ENAH: variants seen among roughly 807,000 people sequenced by gnomAD.
The protein encoded by ENAH is ENAH actin regulator.
ENAH carries 23 observed loss-of-function variants against 78.7 expected under a neutral mutation model. The observed-to-expected ratio is 0.29, with a 90% CI of 0.21 to 0.41. ENAH has a LOEUF of 0.41. ENAH is among the 10% of genes least tolerant of loss of function. The pLI is 1.00. For synonymous variants in ENAH, 226 were observed against 241.0 expected, an observed-to-expected ratio of 0.94 and a Z score of 0.58; for missense variants, 544 against 691.0, an observed-to-expected ratio of 0.79 and a Z score of 2.39.
chr1:225,563,052 C>T (rs1381558676), intron 2 of ENAH, among the ~76,000 whole-genome samples: 3 of 151,486 alleles, frequency 2.0e-5, no homozygotes, highest in Non-Finnish European at 4.4e-5. Context: ...GATGGTGTTT[C>T]CTTAAGTATC....
rs1232028 is a variant in ENAH at position 225,650,849 on chromosome 1, A to T, written c.5+1837T>A. 3.0e-4 allele frequency among the ~76,000 whole-genome samples: 14 copies of T among 46,698 alleles called. No homozygotes were observed. In the East Asian group the frequency reaches 4.5e-3, roughly 15 times the overall value. The allele number at this position is 46,698 out of a possible 152,430, so 30.6% of individuals were successfully genotyped here. ...TGGGCAAGAGAGCAAGACTGCATTT[A>T]AAAAAAAAAAAAAAAAAAAAAAAAA... is the stretch of plus-strand genomic sequence containing the variant. On this transcript the variant is annotated intron_variant, in intron 1 of 13. Coordinates refer to ENST00000366843, the MANE Select transcript of ENAH (RefSeq NM_018212.6).
chr1:225,618,994 C>A (rs1175420745), intron 1 of ENAH, among the ~76,000 whole-genome samples: 1 of 152,118 alleles, frequency 6.6e-6, no homozygotes, highest in Admixed American at 6.6e-5. Flanking sequence ...TACCTTCTAT[C>A]CCCAAGATGC....
chr1:225,609,222 T>C (rs1349725093), intron 1 of ENAH, among the ~76,000 whole-genome samples: 1 of 152,158 alleles, frequency 6.6e-6, no homozygotes, highest in Non-Finnish European at 1.5e-5. Context: ...GATGTGTTTA[T>C]TATATTAAAA....
chr1:225,583,232 T>A (rs903472570), intron 1 of ENAH, among the ~76,000 whole-genome samples: 9 of 151,710 alleles, frequency 5.9e-5, no homozygotes, highest in Admixed American at 3.3e-4. Context: ...AGGTCAGAAG[T>A]TCAAGACTAG....
rs754699026 is a variant in ENAH at position 225,517,560 on chromosome 1, G to T, written c.803-254C>A. The T allele has an allele frequency of 3.9e-6, 6 of 1,551,488 alleles. No homozygotes were observed. In the South Asian group the frequency reaches 7.1e-5, roughly 18 times the overall value. On this transcript the variant is annotated intron_variant, in intron 5 of 13. Coordinates refer to ENST00000366843, the MANE Select transcript of ENAH (RefSeq NM_018212.6). ...CAGGAGAAGAAACACAAACAGGGAG[G>T]ACAGGCCTTGGACCAGTAGCTTTGC...
chr1:225,532,258 C>G (rs1269843186), intron 3 of ENAH, among the ~76,000 whole-genome samples: 4 of 152,056 alleles, frequency 2.6e-5, no homozygotes, highest in African/African-American at 7.2e-5. Context: ...GCGGGTAAAT[C>G]TGAGGTAGCA....
chr1:225,540,491 A>G (rs973149605), intron 3 of ENAH, among the ~76,000 whole-genome samples: 13 of 152,168 alleles, frequency 8.5e-5, no homozygotes, highest in African/African-American at 3.1e-4. Flanking sequence ...TGATAACTAC[A>G]GTAACATACT....
intron 1 of ENAH, among the ~76,000 whole-genome samples, chr1:225,576,113 G>GA (rs141594664): frequency 6.6e-6 from 1 of 151,702 alleles, no homozygotes; most frequent in South Asian, 2.1e-4. Flanking sequence ...CTACAGAAAT[G>GA]AAAAAACTTA....
rs1156824233 is a variant in ENAH, at chr1:225,492,672, G to A, written c.*5103C>T. ...TCTGCAAATACTCAAGGCCTACTAT[G>A]TGCTTTAAATGATACTAACACTTCC... On this transcript the variant is annotated 3_prime_UTR_variant, in exon 14 of 14. Coordinates refer to ENST00000366843, the MANE Select transcript of ENAH (RefSeq NM_018212.6). 6.6e-6 allele frequency: 1 copy of A among 152,180 alleles called. No individual in the cohort carries two copies. Among genetic ancestry groups the A allele is most frequent in the Admixed American group, 6.5e-5 (1 of 15,286 alleles). 9.4% of individuals were successfully genotyped at this position (152,180 alleles called of 1,614,324 possible).
intron 1 of ENAH, among the ~76,000 whole-genome samples, chr1:225,589,909 A>G (rs2096867086): frequency 1.3e-5 from 2 of 152,206 alleles, no homozygotes. Flanking sequence ...TAATAAAAGA[A>G]CTAATTATGC....
intron 3 of ENAH, among the ~76,000 whole-genome samples, chr1:225,546,613 G>C (rs1229904438): frequency 6.6e-6 from 1 of 152,106 alleles, no homozygotes; most frequent in East Asian, 1.9e-4. Context: ...TCACAGCCCT[G>C]GTTGAGAAAG....
intron 7 of ENAH, among the ~76,000 whole-genome samples, chr1:225,514,155 A>G (rs1478067205): frequency 6.6e-6 from 1 of 152,056 alleles, no homozygotes; most frequent in East Asian, 1.9e-4. Context: ...AAATTATGTC[A>G]ATTTTTAATT....
At chr1:225,612,281 G>A (rs968904594) in intron 1 of ENAH, among the ~76,000 whole-genome samples, 7 of 152,190 alleles carry the variant, frequency 4.6e-5, no homozygotes, top group Admixed American at 1.3e-4. Context: ...GCTATGACAC[G>A]GATGAACCCT....
At chr1:225,515,170 G>A in intron 6 of ENAH, 1 of 402,866 alleles carries the variant, frequency 2.5e-6, no homozygotes, top group Non-Finnish European at 4.3e-6. Flanking sequence ...TTTTTTTCAT[G>A]GGGATTTGGT....
intron 5 of ENAH, among the ~76,000 whole-genome samples, chr1:225,518,276 T>C (rs1305582746): frequency 6.6e-6 from 1 of 152,228 alleles, no homozygotes; most frequent in Non-Finnish European, 1.5e-5. Context: ...AAAGCTAGTA[T>C]TAGTCTTAAT....
At chr1:225,505,054 C>G in intron 11 of ENAH, 1 of 1,608,882 alleles carries the variant, frequency 6.2e-7, no homozygotes, top group Non-Finnish European at 8.5e-7. Context: ...AGAATCCCGT[C>G]TATGAAGGGG....
At chr1:225,573,332 G>T (rs1020157470) in intron 1 of ENAH, among the ~76,000 whole-genome samples, 3 of 151,992 alleles carry the variant, frequency 2.0e-5, no homozygotes, top group Non-Finnish European at 2.9e-5. Flanking sequence ...TCAAGACCTG[G>T]ATCAAATACT....
At chr1:225,576,810 A>G (rs1315964202) in intron 1 of ENAH, among the ~76,000 whole-genome samples, 1 of 152,224 alleles carries the variant, frequency 6.6e-6, no homozygotes, top group African/African-American at 2.4e-5. Flanking sequence ...CTGCCAGCAC[A>G]TCAAGCTCAG....
chr1:225,631,947 T>C (rs1558938037), intron 1 of ENAH, among the ~76,000 whole-genome samples: 1 of 150,570 alleles, frequency 6.6e-6, no homozygotes, highest in South Asian at 2.1e-4. Context: ...ACAGTTTAAG[T>C]TTTTCTCCTA....
Sources: gnomAD v4.1 joint callset for allele counts (sites outside exome capture counted in the v4.1 genomes callset) on GRCh38, gnomAD v4.1.1 for gene constraint, MANE v1.5 for transcripts, NCBI Gene and HGNC (gene_info 2026-07-23, HGNC 2026-07-21) for gene names.